Variants in MAP3K2 observed in about 807,000 individuals in gnomAD.
MAP3K2 encodes the protein mitogen-activated protein kinase kinase kinase 2, also known as MAP/ERK kinase kinase 2.
In MAP3K2, 24 loss-of-function variants were observed where a neutral mutation model predicts 80.3. The ratio of observed to expected loss-of-function variants is 0.30; its 90% CI spans 0.22 to 0.42. The LOEUF (loss-of-function observed/expected upper bound fraction) is 0.42. MAP3K2 is among the 10% of genes least tolerant of loss of function. The pLI is 1.00. For missense variants in MAP3K2, 608 were observed against 750.1 expected, an observed-to-expected ratio of 0.81 and a Z score of 2.21; for synonymous variants, 244 against 253.7, an observed-to-expected ratio of 0.96 and a Z score of 0.36.
intron 1 of MAP3K2, among the ~76,000 whole-genome samples, chr2:127,359,748 C>T (rs7568261): frequency 0.46 from 69,310 of 151,790 alleles, 16,141 homozygotes; most frequent in East Asian, 0.62. Flanking sequence ...TAAAAGTGTG[C>T]GGCACCTCCC....
At chr2:127,319,112 C>T (rs1284486673) in intron 12 of MAP3K2, among the ~76,000 whole-genome samples, 1 of 151,952 alleles carries the variant, frequency 6.6e-6, no homozygotes, top group East Asian at 1.9e-4. Flanking sequence ...GTGGGAAACG[C>T]AGAAAGTCCT....
At chr2:127,324,826 G>C (rs193295720) in intron 9 of MAP3K2, among the ~76,000 whole-genome samples, 21 of 152,202 alleles carry the variant, frequency 1.4e-4, no homozygotes, top group Non-Finnish European at 2.9e-4. Context: ...GGATTACCAA[G>C]AATACTGTCC....
In MAP3K2 at chr2:127,384,213, G is replaced by GATATAT. The variant is rs35560058; in HGVS notation, c.-66+3233_-66+3238dup. Among the ~76,000 whole-genome samples, 773 of 144,450 alleles carry GATATAT rather than the reference G, an allele frequency of 5.4e-3. 9 individuals carry two copies. The highest frequency in any genetic ancestry group is 0.018 in the African/African-American group (713 of 38,882). 94.8% of individuals were successfully genotyped at this position (144,450 alleles called of 152,430 possible). On this transcript the variant is annotated intron_variant, in intron 1 of 16. Coordinates refer to ENST00000682094, the MANE Select transcript of MAP3K2 (RefSeq NM_001371910.2). ...CCCGGCCAACAAATAATTTTTAATTGATATATATATATATATATATATTGC... is the reference window on the plus strand; with the variant it reads ...CCCGGCCAACAAATAATTTTTAATTGATATATATATATATATATATATATATATTGC...
At chr2:127,335,056 C>A (rs546152890) in intron 5 of MAP3K2, among the ~76,000 whole-genome samples, 1 of 152,168 alleles carries the variant, frequency 6.6e-6, no homozygotes, top group Non-Finnish European at 1.5e-5. Flanking sequence ...GCGTGAGCAA[C>A]CATGTCTGGC....
intron 12 of MAP3K2, among the ~76,000 whole-genome samples, chr2:127,320,529 CA>C (rs1357079240): frequency 6.6e-6 from 1 of 151,688 alleles, no homozygotes; most frequent in Non-Finnish European, 1.5e-5. Flanking sequence ...ATAGGAATCC[CA>C]AAAGAAAAAG....
chr2:127,309,125 A>C (rs1174732695), intron 15 of MAP3K2, among the ~76,000 whole-genome samples: 1 of 152,212 alleles, frequency 6.6e-6, no homozygotes, highest in Non-Finnish European at 1.5e-5. Flanking sequence ...TAAAGCAAGA[A>C]GCCCATGGAT....
At chr2:127,377,748 T>C (rs1687175410) in intron 1 of MAP3K2, among the ~76,000 whole-genome samples, 1 of 152,214 alleles carries the variant, frequency 6.6e-6, no homozygotes, top group South Asian at 2.1e-4. Context: ...AATTGTATGA[T>C]AGCTTCAATG....
rs1163021322 is a variant in MAP3K2 at position 127,318,308 on chromosome 2, G to C, written c.1055C>G (p.Ala352Gly). The C allele has an allele frequency of 6.3e-7, 1 of 1,586,116 alleles. No homozygotes were observed. Among genetic ancestry groups the C allele is most frequent in the South Asian group, 1.2e-5 (1 of 84,854 alleles). ...TTTGCCCAATCTCCAGTTGGTCGGA[G>C]CTCGAGGTGCTGAAAAAGAACACTT... is the stretch of plus-strand genomic sequence containing the variant. ...DISPPSRSPRAPTNWRLGKLL... is the reference protein window; with the variant it reads ...DISPPSRSPRGPTNWRLGKLL... The change falls in exon 13 of 17, where the codon GCT (alanine) becomes GGT (glycine). Residue 352 changes from alanine to glycine, a missense_variant. Ala to Gly is a moderately conservative substitution (Grantham distance 60). Around this residue, in one of 4 missense-constraint regions of MAP3K2, gnomAD observed 467 missense variants for 521.9 expected, o/e 0.89. Transcript: ENST00000682094.
chr2:127,366,916 G>A (rs1246641771), intron 1 of MAP3K2, among the ~76,000 whole-genome samples: 3 of 129,032 alleles, frequency 2.3e-5, no homozygotes, highest in Admixed American at 1.0e-4. Flanking sequence ...TTGTCACCAG[G>A]CTGGAGTGCA....
At chr2:127,388,114 C>T, upstream of MAP3K2, 1 of 984,772 alleles carries the variant, frequency 1.0e-6, no homozygotes, top group Non-Finnish European at 1.2e-6. Context: ...CCGCCACGCC[C>T]ACACACAGGC....
At chr2:127,308,540 A>T (rs1685751972) in intron 16 of MAP3K2, 45 bp downstream of exon 16, 2 of 1,491,316 alleles carry the variant, frequency 1.3e-6, no homozygotes, top group Non-Finnish European at 1.8e-6. Flanking sequence ...GTGGAAATAC[A>T]TAGGCGGCAG....
chr2:127,342,986 A>C, intron 2 of MAP3K2, 140 bp downstream of exon 2: 2 of 605,980 alleles, frequency 3.3e-6, no homozygotes, highest in Non-Finnish European at 5.7e-6. Flanking sequence ...CTATTAAGTA[A>C]ATATAAAACA....
At chr2:127,385,727 G>A (rs566784068) in intron 1 of MAP3K2, among the ~76,000 whole-genome samples, 1 of 151,756 alleles carries the variant, frequency 6.6e-6, no homozygotes, top group Admixed American at 6.6e-5. Context: ...ATTCTATAGG[G>A]AAAGAGAAAA....
chr2:127,317,874 A>G (rs1553515998), intron 13 of MAP3K2, 114 bp from the exon 14 acceptor site: 1 of 937,674 alleles, frequency 1.1e-6, no homozygotes, highest in South Asian at 1.7e-5. Context: ...CCCAAGTAAT[A>G]AACATCTGAA....
intron 9 of MAP3K2, 35 bp from the exon 10 acceptor site, chr2:127,324,276 AAG>A: frequency 8.1e-7 from 1 of 1,240,612 alleles, no homozygotes; most frequent in Non-Finnish European, 1.1e-6. Flanking sequence ...AGTTTACAGA[AAG>A]AACGTAAGAC....
chr2:127,323,860 G>T, intron 11 of MAP3K2, 42 bp downstream of exon 11: 1 of 983,604 alleles, frequency 1.0e-6, no homozygotes, highest in Non-Finnish European at 1.5e-6. Context: ...TTGTTGTTGA[G>T]ATTTTTTAAC....
intron 1 of MAP3K2, among the ~76,000 whole-genome samples, chr2:127,361,699 C>A (rs1686894948): frequency 6.6e-6 from 1 of 152,092 alleles, no homozygotes. Context: ...TTTATCATTT[C>A]TTGAATTAAT....
chr2:127,365,001 G>C (rs1686946159), intron 1 of MAP3K2, among the ~76,000 whole-genome samples: 1 of 151,552 alleles, frequency 6.6e-6, no homozygotes, highest in Non-Finnish European at 1.5e-5. Flanking sequence ...GGTGGCACAT[G>C]CCTGTAATCC....
intron 12 of MAP3K2, among the ~76,000 whole-genome samples, chr2:127,319,382 A>T (rs1007400755): frequency 6.6e-6 from 1 of 152,106 alleles, no homozygotes; most frequent in Non-Finnish European, 1.5e-5. Context: ...CCTAAGACTG[A>T]AGCTGGATAG....
Sources: gnomAD v4.1 joint callset for allele counts (sites outside exome capture counted in the v4.1 genomes callset) on GRCh38, gnomAD v4.1.1 for gene constraint, gnomAD v4.1.1 regional missense constraint, MANE v1.5 for transcripts, NCBI Gene and HGNC (gene_info 2026-07-23, HGNC 2026-07-21) for gene names.